PDE7A: variants seen among roughly 807,000 people sequenced by gnomAD.
PDE7A encodes the protein phosphodiesterase 7A.
PDE7A carries 39 observed loss-of-function variants against 64.3 expected under a neutral mutation model. The observed-to-expected ratio is 0.61, with a 90% CI of 0.47 to 0.79. The LOEUF is 0.79. Ranked by LOEUF, PDE7A falls within the 30% of genes least tolerant of loss-of-function variation. The probability of loss-of-function intolerance (pLI) is 0.00; values close to 1 mark genes in which losing one functional copy is unlikely to be tolerated. For synonymous variants in PDE7A, 203 were observed against 206.8 expected, an observed-to-expected ratio of 0.98 and a Z score of 0.16; for missense variants, 470 against 582.8, an observed-to-expected ratio of 0.81 and a Z score of 1.99.
chr8:65,765,428 G>A (rs1455958052), intron 3 of PDE7A: 1 of 129,150 alleles, frequency 7.7e-6, no homozygotes, highest in Non-Finnish European at 1.6e-5. Flanking sequence ...GGCGGAGCTT[G>A]CAGTGAGCCG....
intron 1 of PDE7A, among the ~76,000 whole-genome samples, chr8:65,822,651 C>T (rs1489164010): frequency 6.6e-6 from 1 of 152,106 alleles, no homozygotes; most frequent in East Asian, 1.9e-4. Context: ...TAGGCTGTAA[C>T]CTTAAGAACT....
At chr8:65,815,516 G>A (rs923747862) in intron 1 of PDE7A, among the ~76,000 whole-genome samples, 3 of 152,012 alleles carry the variant, frequency 2.0e-5, no homozygotes, top group African/African-American at 7.3e-5. Context: ...AAATATCTGT[G>A]CTCACTGAAG....
intron 1 of PDE7A, among the ~76,000 whole-genome samples, chr8:65,786,956 C>T (rs1414183618): frequency 6.6e-6 from 1 of 152,190 alleles, no homozygotes; most frequent in African/African-American, 2.4e-5. Context: ...TGGTAAGACT[C>T]ACCTTGAATT....
At chr8:65,719,972 C>T (rs993957441) in intron 12 of PDE7A, among the ~76,000 whole-genome samples, 5 of 152,196 alleles carry the variant, frequency 3.3e-5, no homozygotes, top group African/African-American at 9.7e-5. Flanking sequence ...ATCTTCATGC[C>T]TGGTCATGAC....
At chr8:65,727,396 T>A (rs1052267768) in intron 7 of PDE7A, 95 bp from the exon 8 acceptor site, 91 of 1,531,954 alleles carry the variant, frequency 5.9e-5, no homozygotes, top group Non-Finnish European at 6.5e-5. Flanking sequence ...ATGGTAGTGG[T>A]GGTAATCTCC....
chr8:65,833,269 C>T (rs989085847), intron 1 of PDE7A, among the ~76,000 whole-genome samples: 6 of 152,158 alleles, frequency 3.9e-5, no homozygotes, highest in African/African-American at 7.2e-5. Context: ...TTTCAAATCA[C>T]CTTACCAACC....
At chr8:65,745,676 A>T (rs1056060302) in intron 4 of PDE7A, among the ~76,000 whole-genome samples, 3 of 152,238 alleles carry the variant, frequency 2.0e-5, no homozygotes, top group African/African-American at 7.2e-5. Context: ...ATGAAACATT[A>T]TTTTGTTTTT....
intron 4 of PDE7A, among the ~76,000 whole-genome samples, chr8:65,745,991 A>G (rs1334315705): frequency 1.3e-5 from 2 of 151,886 alleles, no homozygotes; most frequent in African/African-American, 2.4e-5. Flanking sequence ...GCAGTGGCAC[A>G]AACAAGACGG....
intron 1 of PDE7A, among the ~76,000 whole-genome samples, chr8:65,808,835 A>C (rs1810173344): frequency 6.6e-6 from 1 of 152,206 alleles, no homozygotes. Flanking sequence ...ACTAGTTCTT[A>C]AACTGGGTGA....
intron 1 of PDE7A, among the ~76,000 whole-genome samples, chr8:65,817,516 T>C (rs905158239): frequency 4.6e-5 from 7 of 152,330 alleles, no homozygotes; most frequent in South Asian, 2.1e-4. Flanking sequence ...CGATGCCACA[T>C]TGCATTTAGT....
At chr8:65,720,968 T>G (rs1340744920) in intron 12 of PDE7A, among the ~76,000 whole-genome samples, 2 of 152,216 alleles carry the variant, frequency 1.3e-5, no homozygotes, top group Non-Finnish European at 2.9e-5. Flanking sequence ...TCCCTCTCAC[T>G]GTTCCAACTG....
intron 1 of PDE7A, among the ~76,000 whole-genome samples, chr8:65,819,260 T>C (rs1810483248): frequency 6.6e-6 from 1 of 152,164 alleles, no homozygotes; most frequent in African/African-American, 2.4e-5. Context: ...TAGCTGGGTG[T>C]GGTGGCACAT....
intron 1 of PDE7A, among the ~76,000 whole-genome samples, chr8:65,788,285 T>A (rs903526397): frequency 1.3e-5 from 2 of 152,174 alleles, no homozygotes; most frequent in African/African-American, 2.4e-5. Context: ...CTTCTCCAGA[T>A]GGCAAATGGC....
At chr8:65,783,781 CTT>C (rs1162082523) in intron 1 of PDE7A, among the ~76,000 whole-genome samples, 1 of 152,096 alleles carries the variant, frequency 6.6e-6, no homozygotes, top group Admixed American at 6.5e-5. Context: ...ACTAAATGGA[CTT>C]ATTGCAAATT....
chr8:65,776,314 T>C (rs984101668), intron 3 of PDE7A, among the ~76,000 whole-genome samples: 73 of 152,300 alleles, frequency 4.8e-4, no homozygotes, highest in Non-Finnish European at 7.9e-4. Flanking sequence ...CTTTATTCTA[T>C]TGTCAGTCCT....
intron 3 of PDE7A, among the ~76,000 whole-genome samples, chr8:65,773,745 C>T (rs1263322142): frequency 6.6e-6 from 1 of 152,072 alleles, no homozygotes; most frequent in Non-Finnish European, 1.5e-5. Context: ...TAGTACATAT[C>T]CTATTTTAAT....
At chr8:65,825,843 T>C (rs976966543) in intron 1 of PDE7A, among the ~76,000 whole-genome samples, 3 of 152,156 alleles carry the variant, frequency 2.0e-5, no homozygotes, top group African/African-American at 7.2e-5. Context: ...ACATATTCAA[T>C]GGCGGTGAAG....
At chr8:65,721,019 T>C (rs2129063857) in intron 12 of PDE7A, among the ~76,000 whole-genome samples, 1 of 152,284 alleles carries the variant, frequency 6.6e-6, no homozygotes, top group African/African-American at 2.4e-5. Context: ...AGCCAACAAA[T>C]TAGCTATCAC....
chr8:65,830,068 C>T (rs1347935073), intron 1 of PDE7A, among the ~76,000 whole-genome samples: 1 of 152,114 alleles, frequency 6.6e-6, no homozygotes, highest in South Asian at 2.1e-4. Context: ...TTTCCCTTTA[C>T]CTCATTCCCC....
Sources: allele counts gnomAD v4.1 joint callset (sites outside exome capture counted in the v4.1 genomes callset), GRCh38; gene constraint gnomAD v4.1.1; transcripts MANE v1.5; gene names NCBI Gene and HGNC (gene_info 2026-07-23, HGNC 2026-07-21).